The following FBXO9 variants were observed in gnomAD, a reference collection of about 807,000 sequenced individuals.
FBXO9 encodes the protein F-box protein 9.
In FBXO9, 43 loss-of-function variants were observed where a neutral mutation model predicts 63.7. The ratio of observed to expected loss-of-function variants is 0.67; its 90% CI spans 0.53 to 0.87. FBXO9 has a LOEUF of 0.87. FBXO9 is among the 40% of genes least tolerant of loss of function. The pLI, the probability that FBXO9 is intolerant of heterozygous loss-of-function variation, is 0.00. For synonymous variants in FBXO9, 156 were observed against 171.7 expected, an observed-to-expected ratio of 0.91 and a Z score of 0.72; for missense variants, 442 against 533.2, an observed-to-expected ratio of 0.83 and a Z score of 1.68.
At chr6:53,090,889 A>T (rs1763021469) in intron 7 of FBXO9, 1 of 152,144 alleles carries the variant, frequency 6.6e-6, no homozygotes, top group Non-Finnish European at 1.5e-5. Flanking sequence ...TAATTAAAAA[A>T]AATTTTTTTA....
chr6:53,097,629 G>A (rs1763247362), intron 12 of FBXO9, 93 bp from the exon 13 acceptor site: 1 of 632,044 alleles, frequency 1.6e-6, no homozygotes, highest in Non-Finnish European at 2.6e-6. Flanking sequence ...AATAAAAAAG[G>A]CTAAAGCATA....
chr6:53,097,356 A>T (rs1045163486), intron 12 of FBXO9, among the ~76,000 whole-genome samples: 9 of 152,176 alleles, frequency 5.9e-5, no homozygotes, highest in Non-Finnish European at 5.9e-5. Context: ...TAAATCTCCA[A>T]TTAAGTAAAC....
intron 1 of FBXO9, 69 bp downstream of exon 1, chr6:53,065,861 C>G: frequency 7.9e-7 from 1 of 1,265,168 alleles, no homozygotes; most frequent in Non-Finnish European, 1.0e-6. Context: ...GGGGCCGGGC[C>G]TAGGGCTGGG....
intron 12 of FBXO9, 115 bp from the exon 13 acceptor site, chr6:53,097,607 A>G (rs911767240): frequency 2.9e-5 from 15 of 521,438 alleles, no homozygotes; most frequent in Non-Finnish European, 4.5e-5. Context: ...GAATTTCCTA[A>G]GATGAATTAA....
At chr6:53,092,923 T>C in intron 9 of FBXO9, 99 bp downstream of exon 9, 1 of 690,252 alleles carries the variant, frequency 1.4e-6, no homozygotes, top group African/African-American at 1.8e-5. Context: ...ACCCGCAAAA[T>C]GGCCCTCAGT....
rs760186082 is a variant in FBXO9, at chr6:53,092,561, T to A, written c.772+14T>A. On this transcript the variant is annotated intron_variant, in intron 8 of 12. Transcript: ENST00000323557. ...TTCGGTTTGATGGTAAGTTGGATTC[T>A]GTAGAACTCAGCAGAAATACTGATC... 41 of 1,596,620 alleles carry A rather than the reference T, an allele frequency of 2.6e-5. 1 individual carries two copies. In the South Asian group the frequency reaches 4.2e-4, roughly 16 times the overall value.
rs967667505 is a variant in FBXO9, at chr6:53,078,962, G to A, written c.407+64G>A. 11 of 1,174,912 alleles carry A rather than the reference G, an allele frequency of 9.4e-6. No individual in the cohort carries two copies. The East Asian group carries it at 2.1e-4, about 23-fold the overall frequency. 72.8% of individuals were successfully genotyped at this position (1,174,912 alleles called of 1,614,324 possible). On this transcript the variant is annotated intron_variant, in intron 5 of 12. Coordinates refer to ENST00000323557, the MANE Select transcript of FBXO9 (RefSeq NM_033480.3). ...TGTTAAAGTTAAGCATCTTTGCCCTGTTGACTCTTAAGATGGTGCTAATTC... is the reference window on the plus strand; with the variant it reads ...TGTTAAAGTTAAGCATCTTTGCCCTATTGACTCTTAAGATGGTGCTAATTC...
intron 8 of FBXO9, 91 bp from the exon 9 acceptor site, chr6:53,092,643 C>T: frequency 1.4e-6 from 2 of 1,383,156 alleles, no homozygotes; most frequent in South Asian, 1.2e-5. Context: ...AATGTGAGTA[C>T]TGTAAGCATG....
Position 53,095,622 on chromosome 6 carries a change from A to C in FBXO9, c.1163A>C (p.Asn388Thr). 3 of 1,613,628 alleles carry C rather than the reference A, an allele frequency of 1.9e-6. No individual in the cohort carries two copies. The highest frequency in any genetic ancestry group is 2.5e-6 in the Non-Finnish European group (3 of 1,179,722). The change falls in exon 12 of 13, where the codon AAC becomes ACC. Residue 388 changes from asparagine to threonine, a missense_variant. Coordinates refer to ENST00000323557, the MANE Select transcript of FBXO9 (RefSeq NM_033480.3). ...TGTTCCAGTGGTCACCAGAGGTTCA[A>C]CAAACTCATCTGGATACATCATTCT... Reference protein sequence around the residue: ...QLCSSGHQRFNKLIWIHHSCH... With the variant: ...QLCSSGHQRFTKLIWIHHSCH...
chr6:53,078,329 A>AT (rs935712042), intron 4 of FBXO9, among the ~76,000 whole-genome samples: 1 of 152,146 alleles, frequency 6.6e-6, no homozygotes, highest in Admixed American at 6.5e-5. Flanking sequence ...TGGCTGGGGC[A>AT]TGCCTGTAGC....
intron 3 of FBXO9, among the ~76,000 whole-genome samples, chr6:53,075,618 A>G (rs1023701758): frequency 6.7e-6 from 1 of 150,088 alleles, no homozygotes; most frequent in Non-Finnish European, 1.5e-5. Context: ...GCATTTCTCT[A>G]ATGGCTTGTG....
At chr6:53,071,447 A>G (rs1240746882) in intron 2 of FBXO9, among the ~76,000 whole-genome samples, 5 of 152,248 alleles carry the variant, frequency 3.3e-5, no homozygotes, top group Non-Finnish European at 5.9e-5. Flanking sequence ...AAACCTGTGT[A>G]TAAGAAAAGG....
chr6:53,097,624 A>C (rs944561773), intron 12 of FBXO9, 98 bp from the exon 13 acceptor site: 2 of 595,066 alleles, frequency 3.4e-6, no homozygotes, highest in Non-Finnish European at 5.4e-6. Context: ...TTAAAAATAA[A>C]AAAGGCTAAA....
At chr6:53,092,302 C>T (rs1481623871) in intron 7 of FBXO9, 127 bp from the exon 8 acceptor site, 4 of 655,630 alleles carry the variant, frequency 6.1e-6, no homozygotes, top group East Asian at 5.5e-5. Flanking sequence ...CCATTAGTTT[C>T]TCCTCAGAAC....
rs1768997610 is a variant in FBXO9, at chr6:53,073,632, A to T, written c.242A>T (p.Glu81Val). 6.3e-7 allele frequency: 1 copy of T among 1,575,846 alleles called. No homozygotes were observed. Among genetic ancestry groups the T allele is most frequent in the Non-Finnish European group, 8.6e-7 (1 of 1,161,930 alleles). ...DTKGKQEQAKEEKARELFLKA... is the reference protein window; with the variant it reads ...DTKGKQEQAKVEKARELFLKA... ...AAAGGAAAACAAGAACAGGCAAAAG[A>T]AGAAAAGTTAAGTATTATAGATATT... The change falls in exon 3 of 13, where the codon GAA becomes GTA. Residue 81 changes from glutamate (E) to valine (V), a missense_variant. By Grantham distance (121) the Glu-to-Val change is moderately radical (BLOSUM62 -2). Transcript: ENST00000323557.
At chr6:53,094,753 A>G in intron 11 of FBXO9, 2 of 444,030 alleles carry the variant, frequency 4.5e-6, no homozygotes, top group South Asian at 1.6e-5. Context: ...TGGCGTCTCC[A>G]CTTCCCTCTG....
intron 5 of FBXO9, among the ~76,000 whole-genome samples, chr6:53,079,161 TACTG>T (rs1315090918): frequency 1.3e-5 from 2 of 152,202 alleles, no homozygotes; most frequent in African/African-American, 2.4e-5. Flanking sequence ...AAGCAGTAGT[TACTG>T]AAAGGAGTAA....
chr6:53,096,846 C>T (rs563422100), intron 12 of FBXO9, among the ~76,000 whole-genome samples: 56 of 152,192 alleles, frequency 3.7e-4, no homozygotes, highest in Middle Eastern at 3.4e-3. Context: ...TTCAAGGCTG[C>T]GGTGAGCTAT....
At position 53,065,664 on chromosome 6, in the gene FBXO9, A is replaced by G; in HGVS notation, c.-126A>G. ...GCCTGGTGCGCTTCTCCGACCGAGA[A>G]CTCTGCTAAGCTCCGCTGCAGAGAC... On this transcript the variant is annotated 5_prime_UTR_variant, in exon 1 of 13. Coordinates refer to ENST00000323557, the MANE Select transcript of FBXO9 (RefSeq NM_033480.3). 8.6e-7 allele frequency: 1 copy of G among 1,165,900 alleles called. No individual in the cohort carries two copies. The highest frequency in any genetic ancestry group is 1.1e-6 in the Non-Finnish European group (1 of 895,168). The allele number at this position is 1,165,900 out of a possible 1,614,324, so 72.2% of individuals were successfully genotyped here.
Sources: gnomAD v4.1 joint callset for allele counts (sites outside exome capture counted in the v4.1 genomes callset) on GRCh38, gnomAD v4.1.1 for gene constraint, MANE v1.5 for transcripts, NCBI Gene and HGNC (gene_info 2026-07-23, HGNC 2026-07-21) for gene names.